The following CHRNB1 variants were observed in gnomAD, a reference collection of about 807,000 sequenced individuals.
CHRNB1 encodes the protein acetylcholine receptor subunit beta.
Under a neutral mutation model 53.8 loss-of-function variants are expected in CHRNB1, and 47 were observed. That is an observed-to-expected ratio of 0.87 (90% CI 0.69 to 1.11). The LOEUF is 1.11. CHRNB1 is among the 50% of genes most tolerant of loss of function. The probability of loss-of-function intolerance (pLI) is 0.00; values close to 1 mark genes in which losing one functional copy is unlikely to be tolerated. For synonymous variants in CHRNB1, 259 were observed against 263.5 expected (o/e 0.98, Z 0.16); for missense variants, 605 against 654.9 (o/e 0.92, Z 0.83).
At position 7,455,334 on chromosome 17, in the gene CHRNB1, C is replaced by T. The variant is rs772969489; in HGVS notation, c.1095C>T (p.Pro365=). 6.2e-7 allele frequency: 1 copy of T among 1,614,106 alleles called. No individual in the cohort carries two copies. ...ACCTGCGTCTAAAAAGGCCCAAACCCGAGAGAGACCTGATGCCGGAGCCCC... is the reference window on the plus strand; with the variant it reads ...ACCTGCGTCTAAAAAGGCCCAAACCTGAGAGAGACCTGATGCCGGAGCCCC... The part of the protein sequence containing the change: ...PLYLRLKRPK[P]ERDLMPEPPH... Residue 365 remains proline, a synonymous_variant, in exon 9 of 11, where the codon CCC becomes CCT. Transcript: ENST00000306071.
chr17:7,448,532 C>A (rs1183194751), intron 6 of CHRNB1, 47 bp from the exon 7 acceptor site: 4 of 1,594,816 alleles, frequency 2.5e-6, no homozygotes, highest in Admixed American at 1.7e-5. Context: ...TGGCACTAAC[C>A]AGGACAGCTC....
intron 7 of CHRNB1, among the ~76,000 whole-genome samples, chr17:7,450,573 G>A (rs1406400279): frequency 6.6e-6 from 1 of 152,218 alleles, no homozygotes; most frequent in African/African-American, 2.4e-5. Context: ...TAAGTTCTAT[G>A]TAAGCACTGG....
At chr17:7,450,246 C>T (rs1567678449) in intron 7 of CHRNB1, among the ~76,000 whole-genome samples, 1 of 150,946 alleles carries the variant, frequency 6.6e-6, no homozygotes, top group South Asian at 2.1e-4. Context: ...TGGGTTCAAG[C>T]GATTCTCCTG....
rs555518291 is a variant in CHRNB1 at position 7,447,098 on chromosome 17, G to T, written c.409G>T (p.Gly137Cys). 6.2e-7 allele frequency: 1 copy of T among 1,614,138 alleles called. No individual in the cohort carries two copies. Among genetic ancestry groups the T allele is most frequent in the Non-Finnish European group, 8.5e-7 (1 of 1,180,020 alleles). The change falls in exon 5 of 11, where the codon GGC (glycine) becomes TGC (cysteine). Residue 137 changes from glycine to cysteine, a missense_variant. Transcript: ENST00000306071. Reference protein sequence around the residue: ...LDISVVVSSDGSVRWQPPGIY... With the variant: ...LDISVVVSSDCSVRWQPPGIY... ...CATTAGCGTCGTGGTGTCCTCCGAC[G>T]GCTCCGTGCGTTGGCAACCCCCGGG... is the stretch of plus-strand genomic sequence containing the variant.
rs769248655 is a variant in CHRNB1 at position 7,447,161 on chromosome 17, C to T, written c.462+10C>T. 2 of 1,609,832 alleles carry T rather than the reference C, an allele frequency of 1.2e-6. No individual in the cohort carries two copies. Among genetic ancestry groups the T allele is most frequent in the Non-Finnish European group, 1.7e-6 (2 of 1,176,398 alleles). ...CAGCTGCAGCATCCAGGTTTCCGGC[C>T]TCCACATTGGAAGCTGAAGGAGCTC... On this transcript the variant is annotated intron_variant, in intron 5 of 10. Coordinates refer to ENST00000306071, the MANE Select transcript of CHRNB1 (RefSeq NM_000747.3).
rs1264670881 is a variant in CHRNB1, at chr17:7,456,637, A to G, written c.1420A>G (p.Thr474Ala). The change falls in exon 11 of 11, where the codon ACT becomes GCT. Residue 474 changes from threonine to alanine, a missense_variant. Physicochemically the swap from Thr to Ala is moderately conservative, Grantham distance 58. Coordinates refer to ENST00000306071, the MANE Select transcript of CHRNB1 (RefSeq NM_000747.3). The stretch of plus-strand genomic sequence containing the variant: ...GGTAGTGGACCGCCTCTTCCTGTGG[A>G]CTTTCATCATCTTCACCAGCGTTGG... ...AMVVDRLFLW[T>A]FIIFTSVGTL... The G allele has an allele frequency of 2.5e-6, 4 of 1,613,864 alleles. No individual in the cohort carries two copies. The Admixed American group carries it at 5.0e-5, about 20-fold the overall frequency.
intron 7 of CHRNB1, among the ~76,000 whole-genome samples, chr17:7,453,567 C>T (rs910903412): frequency 6.7e-6 from 1 of 148,692 alleles, no homozygotes; most frequent in African/African-American, 2.5e-5. Context: ...GCAGATGGCC[C>T]TTCCAAAAGC....
At chr17:7,449,121 T>TTTA (rs1908782336) in intron 7 of CHRNB1, among the ~76,000 whole-genome samples, 1 of 150,864 alleles carries the variant, frequency 6.6e-6, no homozygotes, top group African/African-American at 2.4e-5. Context: ...TTTTTTTTTT[T>TTTA]GAGATGGAGT....
At chr17:7,448,519 A>G in intron 6 of CHRNB1, 60 bp from the exon 7 acceptor site, 1 of 1,539,640 alleles carries the variant, frequency 6.5e-7, no homozygotes, top group African/African-American at 1.4e-5. Context: ...AGCAAGCCAT[A>G]CCTGGCACTA....
chr17:7,446,656 C>G, intron 3 of CHRNB1, 177 bp from the exon 4 acceptor site: 1 of 610,804 alleles, frequency 1.6e-6, no homozygotes, highest in South Asian at 1.9e-5. Flanking sequence ...GGGAAATTAG[C>G]TGATGTGGAT....
Position 7,446,914 on chromosome 17 carries a change from T to C in CHRNB1, c.325T>C (p.Trp109Arg), listed in dbSNP as rs1165902371. 2 of 1,597,944 alleles carry C rather than the reference T, an allele frequency of 1.3e-6. No individual in the cohort carries two copies. Among genetic ancestry groups the C allele is most frequent in the African/African-American group, 2.7e-5 (2 of 73,786 alleles). The change falls in exon 4 of 11, where the codon TGG (tryptophan) becomes CGG (arginine). Residue 109 changes from tryptophan (W) to arginine (R), a missense_variant. By Grantham distance (101) the Trp-to-Arg change is moderately radical (BLOSUM62 -3). Coordinates refer to ENST00000306071, the MANE Select transcript of CHRNB1 (RefSeq NM_000747.3). ...GCTCCGCATCACGGCGGAATCCGTG[T>C]GGCTCCCTGACGTGGTGCTACTGAA... Reference protein sequence around the residue: ...DSLRITAESVWLPDVVLLNNN... With the variant: ...DSLRITAESVRLPDVVLLNNN...
chr17:7,447,614 C>A lies in CHRNB1; in HGVS notation c.574C>A (p.His192Asn). Residue 192 changes from histidine to asparagine, a missense_variant, in exon 6 of 11, where the codon CAT (histidine) becomes AAT (asparagine). By Grantham distance (68) the His-to-Asn change is moderately conservative. Coordinates refer to ENST00000306071, the MANE Select transcript of CHRNB1 (RefSeq NM_000747.3). ...AGGCCTGGGTCCTGACGGGCAAGGG[C>A]ATCAGGAAATCCACATTCATGAAGG... is the stretch of plus-strand genomic sequence containing the variant. ...QTGLGPDGQG[H>N]QEIHIHEGTF... 3 of 1,614,214 alleles carry A rather than the reference C, an allele frequency of 1.9e-6. No homozygotes were observed. The South Asian group carries it at 3.3e-5, about 18-fold the overall frequency.
Position 7,446,916 on chromosome 17 carries a change from G to C in CHRNB1, c.327G>C (p.Trp109Cys), listed in dbSNP as rs774997603. 3.7e-6 allele frequency: 6 copies of C among 1,613,874 alleles called. No individual in the cohort carries two copies. In the Admixed American group the frequency reaches 1.0e-4, roughly 27 times the overall value. ...DSLRITAESVWLPDVVLLNNN... is the reference protein window; with the variant it reads ...DSLRITAESVCLPDVVLLNNN... The stretch of plus-strand genomic sequence containing the variant: ...TCCGCATCACGGCGGAATCCGTGTG[G>C]CTCCCTGACGTGGTGCTACTGAACA... The change falls in exon 4 of 11, where the codon TGG becomes TGC. Residue 109 changes from tryptophan (W) to cysteine (C), a missense_variant. Coordinates refer to ENST00000306071, the MANE Select transcript of CHRNB1 (RefSeq NM_000747.3).
At chr17:7,455,155 C>G in intron 8 of CHRNB1, 129 bp from the exon 9 acceptor site, 1 of 1,055,606 alleles carries the variant, frequency 9.5e-7, no homozygotes, top group South Asian at 1.3e-5. Flanking sequence ...TTGTGTAGCT[C>G]GTTTGTGGAA....
At position 7,445,426 on chromosome 17, in the gene CHRNB1, G is replaced by C. The variant is rs1351865148; in HGVS notation, c.198+17G>C. On this transcript the variant is annotated intron_variant, in intron 2 of 10. Coordinates refer to ENST00000306071, the MANE Select transcript of CHRNB1 (RefSeq NM_000747.3). This position sits in a 1 kb window ranked among gnomAD's most constrained non-coding sequence, Gnocchi z 5.7. ...ATCAGCCTGGTGAGGGCGCGCGGGG[G>C]GTGGAGGTCAGGCCAGCCGACCGGC... The C allele has an allele frequency of 5.4e-5, 87 of 1,609,896 alleles. No homozygotes were observed. The highest frequency in any genetic ancestry group is 7.0e-5 in the Non-Finnish European group (83 of 1,179,272).
At position 7,456,735 on chromosome 17, in the gene CHRNB1, T is replaced by A. The variant is rs1253591150; in HGVS notation, c.*12T>A. ...ACCCCTTTCCTTGAAGACTGGAGGG[T>A]TGAGACCCAGGCCCCCTGCCAGTTG... On this transcript the variant is annotated 3_prime_UTR_variant, in exon 11 of 11. Coordinates refer to ENST00000306071, the MANE Select transcript of CHRNB1 (RefSeq NM_000747.3). 1 of 1,614,014 alleles carries A rather than the reference T, an allele frequency of 6.2e-7. No individual in the cohort carries two copies. The highest frequency in any genetic ancestry group is 1.1e-5 in the South Asian group (1 of 91,078).
In CHRNB1 at chr17:7,448,652, G is replaced by A. The variant is rs765737031; in HGVS notation, c.684G>A (p.Arg228=). The change falls in exon 7 of 11, where the codon AGG becomes AGA. Residue 228 remains arginine, a synonymous_variant. Transcript: ENST00000306071. ...CTCCAGGCGATCCTAGGGGAGGGAG[G>A]GAAGGACAGCGCCAGGAAGTCATCT... ...IQPPGDPRGG[R]EGQRQEVIFY... The A allele has an allele frequency of 1.6e-5, 26 of 1,614,024 alleles. No individual in the cohort carries two copies. The African/African-American group carries it at 2.9e-4, about 18-fold the overall frequency.
At position 7,445,998 on chromosome 17, in the gene CHRNB1, G is replaced by A. The variant is rs1027955884; in HGVS notation, c.199-71G>A. 1.4e-6 allele frequency: 2 copies of A among 1,384,788 alleles called. No individual in the cohort carries two copies. Among genetic ancestry groups the A allele is most frequent in the Admixed American group, 1.7e-5 (1 of 59,676 alleles). The allele number at this position is 1,384,788 out of a possible 1,614,324, so 85.8% of individuals were successfully genotyped here. A position where few individuals can be genotyped will look rare whatever the true frequency, so the allele number is the denominator to read the frequency against. On this transcript the variant is annotated intron_variant, in intron 2 of 10. Coordinates refer to ENST00000306071, the MANE Select transcript of CHRNB1 (RefSeq NM_000747.3). The surrounding 1 kb of genome is among the most constrained non-coding windows in gnomAD (Gnocchi z 5.7). ...AGGGGGCGGCGTTCCCAGGAGAGAG[G>A]TTGGCCCCCCGAGCCCCCTCATTTC...
chr17:7,447,242 A>C, intron 5 of CHRNB1, 91 bp downstream of exon 5: 1 of 1,102,756 alleles, frequency 9.1e-7, no homozygotes, highest in Non-Finnish European at 1.4e-6. Context: ...CCCATCCTTC[A>C]TCCTTCCCCC....
Sources: gnomAD v4.1 joint callset for allele counts (sites outside exome capture counted in the v4.1 genomes callset) on GRCh38, gnomAD v4.1.1 for gene constraint, Gnocchi (gnomAD v3.1) non-coding constraint, MANE v1.5 for transcripts, NCBI Gene and HGNC (gene_info 2026-07-23, HGNC 2026-07-21) for gene names.